Variants in POU6F2 observed in about 807,000 individuals in gnomAD.
POU6F2 encodes the protein POU domain, class 6, transcription factor 2.
Under a neutral mutation model 71.3 loss-of-function variants are expected in POU6F2, and 31 were observed. That is an observed-to-expected ratio of 0.43 (90% CI 0.33 to 0.59). The LOEUF (loss-of-function observed/expected upper bound fraction) is 0.59. Ranked by LOEUF, POU6F2 falls within the 20% of genes least tolerant of loss-of-function variation. The probability of loss-of-function intolerance (pLI) is 0.04; values close to 1 mark genes in which losing one functional copy is unlikely to be tolerated. For synonymous variants in POU6F2, 347 were observed against 355.7 expected (o/e 0.98, Z 0.27); for missense variants, 783 against 856.8 (o/e 0.91, Z 1.07).
chr7:39,335,861 A>C lies in POU6F2; in HGVS notation c.599-3781A>C, dbSNP rs960454228. 5.3e-5 allele frequency among the ~76,000 whole-genome samples: 8 copies of C among 152,182 alleles called. No homozygotes were observed. In the East Asian group the frequency reaches 1.5e-3, roughly 29 times the overall value. On this transcript the variant is annotated intron_variant, in intron 4 of 9. Transcript: ENST00000518318. ...TGTGTGCACCTGAAAATGAGTCCAC[A>C]GTTCCCAACGCCCTGCCCTGCCAAT...
At chr7:39,181,951 T>C (rs963061023) in intron 2 of POU6F2, among the ~76,000 whole-genome samples, 1 of 152,218 alleles carries the variant, frequency 6.6e-6, no homozygotes, top group Non-Finnish European at 1.5e-5. Context: ...CTTACATATA[T>C]TTTTAACCTT....
chr7:39,338,910 A>T (rs1386852379), intron 4 of POU6F2, among the ~76,000 whole-genome samples: 1 of 152,156 alleles, frequency 6.6e-6, no homozygotes, highest in Non-Finnish European at 1.5e-5. Flanking sequence ...CTCAGTCCTT[A>T]GGTGCTGTCC....
chr7:39,303,828 G>A (rs1248444131), intron 4 of POU6F2, among the ~76,000 whole-genome samples: 1 of 152,142 alleles, frequency 6.6e-6, no homozygotes, highest in Non-Finnish European at 1.5e-5. Flanking sequence ...TCTTCTCAGA[G>A]GGAAAAAACA....
At chr7:39,121,781 C>A (rs1413046187) in intron 2 of POU6F2, among the ~76,000 whole-genome samples, 1 of 152,142 alleles carries the variant, frequency 6.6e-6, no homozygotes, top group Non-Finnish European at 1.5e-5. Context: ...TCACTGCAAC[C>A]TCCACCTCCC....
At chr7:39,261,271 C>T (rs1784135778) in intron 4 of POU6F2, among the ~76,000 whole-genome samples, 1 of 152,234 alleles carries the variant, frequency 6.6e-6, no homozygotes, top group Non-Finnish European at 1.5e-5. Context: ...ACTGCCAGCT[C>T]TTCTTCCGAC....
chr7:39,036,693 C>T (rs1310467939), intron 1 of POU6F2, among the ~76,000 whole-genome samples: 1 of 151,758 alleles, frequency 6.6e-6, no homozygotes, highest in East Asian at 1.9e-4. Context: ...ATGTCTTATA[C>T]TCCAAGAAGG....
At chr7:39,240,811 TATG>T (rs1184017852) in intron 4 of POU6F2, among the ~76,000 whole-genome samples, 2 of 152,156 alleles carry the variant, frequency 1.3e-5, no homozygotes, top group African/African-American at 4.8e-5. Context: ...GAGTAAAAGA[TATG>T]ATATTTTCAG....
intron 5 of POU6F2, among the ~76,000 whole-genome samples, chr7:39,403,063 G>A (rs1038012741): frequency 6.6e-6 from 1 of 152,178 alleles, no homozygotes; most frequent in Non-Finnish European, 1.5e-5. Flanking sequence ...CTAAGAAAAT[G>A]AAGTGTGGTT....
At chr7:39,294,713 C>T (rs1373523550) in intron 4 of POU6F2, among the ~76,000 whole-genome samples, 3 of 152,100 alleles carry the variant, frequency 2.0e-5, no homozygotes, top group African/African-American at 7.2e-5. Context: ...CTTGGTTAAG[C>T]CAGATCACCA....
chr7:38,988,645 G>T (rs1288381721), intron 1 of POU6F2, among the ~76,000 whole-genome samples: 7 of 152,080 alleles, frequency 4.6e-5, no homozygotes, highest in African/African-American at 1.7e-4. Flanking sequence ...TAGGTGCCAG[G>T]CACTTTGCTG....
At chr7:39,382,597 G>A (rs1023147698) in intron 5 of POU6F2, among the ~76,000 whole-genome samples, 4 of 152,200 alleles carry the variant, frequency 2.6e-5, no homozygotes, top group African/African-American at 9.6e-5. Flanking sequence ...GATAGAGCTG[G>A]CTGTCTTGGG....
chr7:39,078,356 C>T (rs1443760415), intron 1 of POU6F2, among the ~76,000 whole-genome samples: 1 of 152,166 alleles, frequency 6.6e-6, no homozygotes, highest in Non-Finnish European at 1.5e-5. Context: ...ATATTCTCTG[C>T]TTGCATACAA....
chr7:39,336,478 C>T (rs1406399934), intron 4 of POU6F2, among the ~76,000 whole-genome samples: 4 of 152,182 alleles, frequency 2.6e-5, no homozygotes, highest in Non-Finnish European at 5.9e-5. Context: ...TGTTCTTTCT[C>T]TCCTTAGGAC....
At chr7:39,259,464 G>C (rs1362808267) in intron 4 of POU6F2, among the ~76,000 whole-genome samples, 1 of 152,148 alleles carries the variant, frequency 6.6e-6, no homozygotes, top group Non-Finnish European at 1.5e-5. Context: ...TGACTGAGGA[G>C]TCCAAAGACT....
intron 1 of POU6F2, among the ~76,000 whole-genome samples, chr7:39,002,522 A>T (rs779010660): frequency 6.6e-6 from 1 of 152,018 alleles, no homozygotes. Flanking sequence ...TAATTTTTAT[A>T]TTTTTAGTAG....
At chr7:39,056,727 C>T (rs1260516934) in intron 1 of POU6F2, among the ~76,000 whole-genome samples, 7 of 144,916 alleles carry the variant, frequency 4.8e-5, no homozygotes, top group African/African-American at 1.8e-4. Flanking sequence ...ATGGGGTTGC[C>T]AATGCTATGT....
intron 4 of POU6F2, among the ~76,000 whole-genome samples, chr7:39,233,154 C>G (rs1176519776): frequency 6.6e-6 from 1 of 152,078 alleles, no homozygotes; most frequent in Non-Finnish European, 1.5e-5. Context: ...AACCTCAGCC[C>G]ACATTCTCAA....
At chr7:39,206,019 AC>A (rs1487542195) in intron 3 of POU6F2, among the ~76,000 whole-genome samples, 19 of 152,302 alleles carry the variant, frequency 1.2e-4, no homozygotes, top group African/African-American at 3.8e-4. Flanking sequence ...TAGACATGGG[AC>A]TTGGGCAAGT....
At chr7:39,092,001 G>T (rs1159642252) in intron 2 of POU6F2, among the ~76,000 whole-genome samples, 6 of 152,226 alleles carry the variant, frequency 3.9e-5, no homozygotes, top group Admixed American at 2.0e-4. Context: ...AGAAGGTTCA[G>T]TTCTGCTACT....
Sources: gnomAD v4.1 joint callset for allele counts (sites outside exome capture counted in the v4.1 genomes callset) on GRCh38, gnomAD v4.1.1 for gene constraint, MANE v1.5 for transcripts, NCBI Gene and HGNC (gene_info 2026-07-23, HGNC 2026-07-21) for gene names.